The following FGD4 variants were observed in gnomAD, a reference collection of about 807,000 sequenced individuals.
FGD4 encodes the protein FYVE, RhoGEF and PH domain-containing protein 4.
A neutral mutation model predicts 102.0 loss-of-function variants in FGD4; 42 were observed. The ratio of observed to expected loss-of-function variants is 0.41; its 90% CI spans 0.32 to 0.53. The LOEUF is 0.53. Among genes scored for constraint, FGD4 ranks in the 20% least tolerant of loss-of-function variants. The probability of loss-of-function intolerance (pLI) is 0.21; values close to 1 mark genes in which losing one functional copy is unlikely to be tolerated. For missense variants in FGD4, 902 were observed against 1,078.2 expected (o/e 0.84, Z 2.29); for synonymous variants, 380 against 375.7 (o/e 1.01, Z -0.13).
chr12:32,579,845 C>A (rs1483455565), intron 3 of FGD4, among the ~76,000 whole-genome samples: 1 of 152,142 alleles, frequency 6.6e-6, no homozygotes, highest in Non-Finnish European at 1.5e-5. Flanking sequence ...TTGGACTTTA[C>A]CTGTATCTTT....
At chr12:32,573,228 T>C (rs1377989844) in intron 2 of FGD4, among the ~76,000 whole-genome samples, 2 of 152,204 alleles carry the variant, frequency 1.3e-5, no homozygotes, top group Admixed American at 6.5e-5. Context: ...CCCGAGTAGC[T>C]GGGACTACAA....
At chr12:32,592,122 G>A (rs186840803) in intron 4 of FGD4, among the ~76,000 whole-genome samples, 38 of 151,750 alleles carry the variant, frequency 2.5e-4, no homozygotes, top group African/African-American at 7.5e-4. Flanking sequence ...TCACTCTTTC[G>A]CCCAGGCTGC....
At chr12:32,526,694 T>A (rs1001110452) in intron 1 of FGD4, among the ~76,000 whole-genome samples, 2 of 152,214 alleles carry the variant, frequency 1.3e-5, no homozygotes, top group Admixed American at 1.3e-4. Flanking sequence ...ATCTTGCTGC[T>A]GCTCACTCTT....
chr12:32,470,685 C>T (rs1217378835), intron 1 of FGD4, among the ~76,000 whole-genome samples: 1 of 152,046 alleles, frequency 6.6e-6, no homozygotes, highest in Non-Finnish European at 1.5e-5. Flanking sequence ...AACTCCTGAC[C>T]TCAGGTAATC....
intron 14 of FGD4, among the ~76,000 whole-genome samples, chr12:32,627,968 ATGT>A (rs992709525): frequency 2.0e-5 from 3 of 152,002 alleles, no homozygotes; most frequent in Non-Finnish European, 4.4e-5. Context: ...AATAAGAGAG[ATGT>A]TGGTGAAAAA....
At chr12:32,448,285 C>T (rs983433400) in intron 1 of FGD4, among the ~76,000 whole-genome samples, 1 of 152,092 alleles carries the variant, frequency 6.6e-6, no homozygotes, top group African/African-American at 2.4e-5. Flanking sequence ...GTAGAAAGTA[C>T]AGTGGGAGTA....
At chr12:32,597,338 A>G (rs553907657) in intron 4 of FGD4, among the ~76,000 whole-genome samples, 1 of 152,336 alleles carries the variant, frequency 6.6e-6, no homozygotes, top group East Asian at 1.9e-4. Flanking sequence ...AAGACATAGT[A>G]TCATAAGTAG....
In FGD4 at chr12:32,440,591, T is replaced by TACC. The variant is rs527486624; in HGVS notation, c.166+40635_166+40637dup. ...ACTATAACTGAACCCCTGTGGCCAC[T>TACC]ACCACTATGACTACACGGCGTCAGA... is the stretch of plus-strand genomic sequence containing the variant. On this transcript the variant is annotated intron_variant, in intron 1 of 16. Transcript: ENST00000534526. 2.2e-3 allele frequency among the ~76,000 whole-genome samples: 337 copies of TACC among 152,298 alleles called. 2 individuals carry two copies. Among genetic ancestry groups the TACC allele is most frequent in the African/African-American group, 7.6e-3 (315 of 41,574 alleles).
chr12:32,589,088 A>C (rs1238351640), intron 4 of FGD4, among the ~76,000 whole-genome samples: 1 of 152,214 alleles, frequency 6.6e-6, no homozygotes, highest in Non-Finnish European at 1.5e-5. Context: ...TAAAATGGAG[A>C]TAACATATCT....
intron 1 of FGD4, among the ~76,000 whole-genome samples, chr12:32,482,879 C>T (rs942418960): frequency 6.6e-6 from 1 of 152,080 alleles, no homozygotes. Flanking sequence ...CCAGACCTGC[C>T]GTTTACTATC....
chr12:32,472,717 C>A (rs547816273), intron 1 of FGD4, among the ~76,000 whole-genome samples: 39 of 152,102 alleles, frequency 2.6e-4, no homozygotes, highest in Non-Finnish European at 4.7e-4. Context: ...ACCTGCAGCC[C>A]CGGTGCGGGA....
intron 1 of FGD4, among the ~76,000 whole-genome samples, chr12:32,426,066 G>A (rs1195910077): frequency 1.3e-5 from 2 of 152,088 alleles, no homozygotes; most frequent in East Asian, 3.9e-4. Flanking sequence ...TCCTTCTCTT[G>A]CCTGATTGCC....
chr12:32,596,073 A>G (rs1947867375), intron 4 of FGD4, among the ~76,000 whole-genome samples: 2 of 152,234 alleles, frequency 1.3e-5, no homozygotes, highest in Non-Finnish European at 2.9e-5. Context: ...CTGGCTTAAA[A>G]TATACTTTGG....
intron 1 of FGD4, among the ~76,000 whole-genome samples, chr12:32,482,665 C>A (rs1210606818): frequency 2.0e-5 from 3 of 152,036 alleles, no homozygotes; most frequent in Admixed American, 6.6e-5. Context: ...TGCAAAGAAT[C>A]CCATGAGGTA....
chr12:32,587,837 G>T (rs1234086807), intron 4 of FGD4, among the ~76,000 whole-genome samples: 1 of 152,174 alleles, frequency 6.6e-6, no homozygotes, highest in Non-Finnish European at 1.5e-5. Flanking sequence ...TAAGTTTATG[G>T]TTCCTGCAAA....
chr12:32,579,043 T>G (rs1592283514), intron 3 of FGD4, among the ~76,000 whole-genome samples: 1 of 137,152 alleles, frequency 7.3e-6, no homozygotes, highest in Non-Finnish European at 1.6e-5. Flanking sequence ...TTAGTGGTTT[T>G]TTTTTTTTTT....
intron 1 of FGD4, among the ~76,000 whole-genome samples, chr12:32,409,772 C>A (rs1270748792): frequency 6.6e-6 from 1 of 152,066 alleles, no homozygotes; most frequent in East Asian, 1.9e-4. Context: ...TTTTAAAATC[C>A]ACACAAATAT....
intron 1 of FGD4, among the ~76,000 whole-genome samples, chr12:32,556,191 G>T (rs923670624): frequency 2.6e-5 from 4 of 152,100 alleles, no homozygotes; most frequent in African/African-American, 9.7e-5. Context: ...CCATGTCAGA[G>T]ATAAGAACAG....
intron 4 of FGD4, among the ~76,000 whole-genome samples, chr12:32,590,160 T>C (rs1056691788): frequency 1.3e-5 from 2 of 151,814 alleles, no homozygotes; most frequent in African/African-American, 4.8e-5. Flanking sequence ...ATACAAAAAT[T>C]AGCTGGGTAT....
Sources: allele counts gnomAD v4.1 joint callset (sites outside exome capture counted in the v4.1 genomes callset), GRCh38; gene constraint gnomAD v4.1.1; transcripts MANE v1.5; gene names NCBI Gene and HGNC (gene_info 2026-07-23, HGNC 2026-07-21).